The following ST18 variants were observed in gnomAD, a reference collection of about 807,000 sequenced individuals.
ST18 encodes suppression of tumorigenicity 18 protein.
A neutral mutation model predicts 110.0 loss-of-function variants in ST18; 50 were observed. That is an observed-to-expected ratio of 0.45 (90% CI 0.36 to 0.58). The LOEUF (loss-of-function observed/expected upper bound fraction) is 0.58. Among genes scored for constraint, ST18 ranks in the 20% least tolerant of loss-of-function variants. ST18 has a pLI of 0.00. For missense variants in ST18, 1,306 were observed against 1,280.1 expected, an observed-to-expected ratio of 1.02 and a Z score of -0.31; for synonymous variants, 461 against 452.4, an observed-to-expected ratio of 1.02 and a Z score of -0.24.
At chr8:52,189,786 A>T (rs1049547550) in intron 8 of ST18, among the ~76,000 whole-genome samples, 1 of 152,220 alleles carries the variant, frequency 6.6e-6, no homozygotes, top group African/African-American at 2.4e-5. Flanking sequence ...ATGGGGGCAG[A>T]TCACAAATGA....
rs1477330519 is a variant in ST18, at chr8:52,180,198, T to A, written c.201A>T (p.Lys67Asn). 1 of 1,614,074 alleles carries A rather than the reference T, an allele frequency of 6.2e-7. No homozygotes were observed. Among genetic ancestry groups the A allele is most frequent in the African/African-American group, 1.3e-5 (1 of 74,918 alleles). ...LLMKPRHYSP[K>N]ADCQEDRSDR... ...CACTGCGGTCTTCTTGGCAGTCTGC[T>A]TTTGGGCTGTAGTGTCGGGGCTTCA... Residue 67 changes from lysine (K) to asparagine (N), a missense_variant, in exon 9 of 26, where the codon AAA becomes AAT. Lys to Asn is a moderately conservative substitution (Grantham distance 94). Coordinates refer to ENST00000689386, the MANE Select transcript of ST18 (RefSeq NM_001352837.2).
At chr8:52,358,878 A>C (rs1027249283) in intron 2 of ST18, among the ~76,000 whole-genome samples, 1 of 151,992 alleles carries the variant, frequency 6.6e-6, no homozygotes, top group African/African-American at 2.4e-5. Context: ...GGCCAGCCTT[A>C]CCCTTATACC....
chr8:52,164,657 A>T lies in ST18; in HGVS notation c.1295+478T>A, dbSNP rs1250851751. Among the ~76,000 whole-genome samples, 7 of 152,344 alleles carry T rather than the reference A, an allele frequency of 4.6e-5. No homozygotes were observed. In the East Asian group the frequency reaches 1.4e-3, roughly 29 times the overall value. ...ACAATACATTTTCATGTAAATGCACATATGTATGTCTTATGCTAGTTGCAA... is the reference window on the plus strand; with the variant it reads ...ACAATACATTTTCATGTAAATGCACTTATGTATGTCTTATGCTAGTTGCAA... On this transcript the variant is annotated intron_variant, in intron 12 of 25. Coordinates refer to ENST00000689386, the MANE Select transcript of ST18 (RefSeq NM_001352837.2).
intron 8 of ST18, among the ~76,000 whole-genome samples, chr8:52,192,375 G>C (rs1198460374): frequency 6.6e-6 from 1 of 152,180 alleles, no homozygotes; most frequent in Non-Finnish European, 1.5e-5. Context: ...TCTACCTGAG[G>C]TCATGCAGAG....
chr8:52,213,210 A>G (rs2082847690), intron 7 of ST18, among the ~76,000 whole-genome samples: 1 of 152,232 alleles, frequency 6.6e-6, no homozygotes, highest in South Asian at 2.1e-4. Context: ...TTTGATTACC[A>G]TGGTTAATGA....
At chr8:52,311,548 G>C (rs1488446840) in intron 2 of ST18, among the ~76,000 whole-genome samples, 3 of 152,184 alleles carry the variant, frequency 2.0e-5, no homozygotes, top group Non-Finnish European at 4.4e-5. Context: ...TACTACCAGA[G>C]ACTGGATAAT....
intron 2 of ST18, among the ~76,000 whole-genome samples, chr8:52,318,116 GTTGCAATCTA>G (rs2096062154): frequency 6.6e-6 from 1 of 152,034 alleles, no homozygotes; most frequent in Non-Finnish European, 1.5e-5. Flanking sequence ...GGAGAAAATT[GTTGCAATCTA>G]TGCATCTAAC....
intron 2 of ST18, among the ~76,000 whole-genome samples, chr8:52,317,059 G>A (rs781027979): frequency 3.9e-5 from 6 of 152,082 alleles, no homozygotes; most frequent in Non-Finnish European, 8.8e-5. Context: ...TTAATCTCAC[G>A]TAGCGAGCTT....
At chr8:52,125,822 A>C (rs2046840283) in intron 23 of ST18, 2 of 506,552 alleles carry the variant, frequency 3.9e-6, no homozygotes, top group South Asian at 6.0e-5. Flanking sequence ...ATCATACCCC[A>C]CTGCCTGACT....
At chr8:52,264,466 C>T (rs911367955) in intron 2 of ST18, among the ~76,000 whole-genome samples, 37 of 152,088 alleles carry the variant, frequency 2.4e-4, no homozygotes, top group Admixed American at 2.3e-3. Flanking sequence ...TCTGAAGCTA[C>T]GGACACTAGC....
chr8:52,225,640 G>A (rs1168653563), intron 3 of ST18, among the ~76,000 whole-genome samples: 4 of 152,186 alleles, frequency 2.6e-5, no homozygotes, highest in Admixed American at 2.0e-4. Flanking sequence ...CGGTGATGGA[G>A]GAGAAAGAGC....
At chr8:52,137,826 G>A in intron 17 of ST18, 1 of 213,512 alleles carries the variant, frequency 4.7e-6, no homozygotes, top group Non-Finnish European at 9.5e-6. Context: ...TATGTTGCCG[G>A]GCATGGTGGC....
At chr8:52,214,392 T>C (rs1008592883) in intron 6 of ST18, 135 bp from the exon 7 acceptor site, 21 of 832,584 alleles carry the variant, frequency 2.5e-5, no homozygotes, top group African/African-American at 5.0e-5. Flanking sequence ...CCCGGCTCTA[T>C]AGTACATAAC....
chr8:52,212,784 TAGA>T (rs2082676385), intron 7 of ST18, among the ~76,000 whole-genome samples: 1 of 152,208 alleles, frequency 6.6e-6, no homozygotes, highest in South Asian at 2.1e-4. Flanking sequence ...GTTTCATTTC[TAGA>T]AGAACATTTT....
chr8:52,132,145 T>A lies in ST18; in HGVS notation c.2479A>T (p.Ile827Leu). 6.2e-7 allele frequency: 1 copy of A among 1,613,792 alleles called. No individual in the cohort carries two copies. Among genetic ancestry groups the A allele is most frequent in the Non-Finnish European group, 8.5e-7 (1 of 1,180,002 alleles). Residue 827 changes from isoleucine to leucine, a missense_variant, in exon 22 of 26, where the codon ATA becomes TTA. Transcript: ENST00000689386. ...PVIGCDGQGH[I>L]SGKYTSHRTA... is the part of the protein sequence containing the mutation. ...CGGTGTGATGTGTATTTACCTGATATGTGACCTTGGCCATCACACCCTATC... is the reference window on the plus strand; with the variant it reads ...CGGTGTGATGTGTATTTACCTGATAAGTGACCTTGGCCATCACACCCTATC...
chr8:52,264,156 A>T (rs2094794287), intron 2 of ST18, among the ~76,000 whole-genome samples: 1 of 152,056 alleles, frequency 6.6e-6, no homozygotes, highest in South Asian at 2.1e-4. Flanking sequence ...GTTATTGTAC[A>T]CTCTTTAAAA....
intron 2 of ST18, among the ~76,000 whole-genome samples, chr8:52,261,012 A>G (rs2094676714): frequency 1.3e-5 from 2 of 152,194 alleles, no homozygotes; most frequent in African/African-American, 4.8e-5. Context: ...ACAGAGCAAA[A>G]GAGGAAGGAT....
chr8:52,365,499 A>ACTT (rs1389105843), intron 2 of ST18, among the ~76,000 whole-genome samples: 1 of 152,180 alleles, frequency 6.6e-6, no homozygotes, highest in Non-Finnish European at 1.5e-5. Flanking sequence ...TGAAAAAAAG[A>ACTT]CTTTAAAAAA....
chr8:52,292,859 T>C (rs1371544069), intron 2 of ST18, among the ~76,000 whole-genome samples: 1 of 152,208 alleles, frequency 6.6e-6, no homozygotes, highest in Non-Finnish European at 1.5e-5. Context: ...CAATTCGGTC[T>C]CCTCCCTTCC....
Sources: allele counts gnomAD v4.1 joint callset (sites outside exome capture counted in the v4.1 genomes callset), GRCh38; gene constraint gnomAD v4.1.1; transcripts MANE v1.5; gene names NCBI Gene and HGNC (gene_info 2026-07-23, HGNC 2026-07-21).